Variants in ASTN1 observed in about 807,000 individuals in gnomAD.
The protein encoded by ASTN1 is astrotactin-1.
ASTN1 carries 41 observed loss-of-function variants against 140.7 expected under a neutral mutation model. That is an observed-to-expected ratio of 0.29 (90% CI 0.23 to 0.38). The LOEUF is 0.38. ASTN1 is among the 10% of genes least tolerant of loss of function. The pLI is 1.00. For synonymous variants in ASTN1, 640 were observed against 652.2 expected (o/e 0.98, Z 0.29); for missense variants, 1,479 against 1,678.8 (o/e 0.88, Z 2.08).
chr1:177,007,164 C>T (rs529226299), intron 8 of ASTN1, among the ~76,000 whole-genome samples: 2 of 152,140 alleles, frequency 1.3e-5, no homozygotes, highest in South Asian at 4.2e-4. Context: ...GAGGCTGAGG[C>T]GGGTGGATCA....
intron 11 of ASTN1, among the ~76,000 whole-genome samples, chr1:176,956,467 G>A (rs948865055): frequency 1.3e-5 from 2 of 152,104 alleles, no homozygotes; most frequent in South Asian, 4.1e-4. Context: ...TGGCATCAGC[G>A]CAGCATCCTC....
At chr1:177,018,503 T>G (rs1319014883) in intron 7 of ASTN1, among the ~76,000 whole-genome samples, 1 of 152,210 alleles carries the variant, frequency 6.6e-6, no homozygotes, top group Non-Finnish European at 1.5e-5. Flanking sequence ...TGGTTGGGTC[T>G]GGCCTATGGA....
At chr1:176,900,439 C>T (rs1390971896) in intron 16 of ASTN1, among the ~76,000 whole-genome samples, 3 of 152,174 alleles carry the variant, frequency 2.0e-5, no homozygotes, top group African/African-American at 4.8e-5. Flanking sequence ...TTACAGCTTC[C>T]TTGCTGGTGT....
chr1:177,073,095 A>ATT (rs1678723009), intron 1 of ASTN1, among the ~76,000 whole-genome samples: 4 of 152,186 alleles, frequency 2.6e-5, no homozygotes, highest in Non-Finnish European at 4.4e-5. Flanking sequence ...ATCAGGACAC[A>ATT]AAGACAGAAA....
intron 7 of ASTN1, among the ~76,000 whole-genome samples, chr1:177,022,575 C>G (rs1172983370): frequency 1.3e-5 from 2 of 152,146 alleles, no homozygotes; most frequent in African/African-American, 4.8e-5. Context: ...TTGAACCCTC[C>G]CTCAGGGAAA....
chr1:177,060,482 T>G (rs1408407512), intron 2 of ASTN1, among the ~76,000 whole-genome samples: 18 of 152,124 alleles, frequency 1.2e-4, no homozygotes, highest in Admixed American at 1.1e-3. Flanking sequence ...ATTGGATAAT[T>G]CCCATCTATG....
At chr1:177,022,880 G>A (rs1418416301) in intron 7 of ASTN1, among the ~76,000 whole-genome samples, 2 of 152,246 alleles carry the variant, frequency 1.3e-5, no homozygotes, top group African/African-American at 2.4e-5. Flanking sequence ...ATGATGGAAT[G>A]TTAAGTGAAA....
At chr1:176,987,245 C>T (rs886573902) in intron 8 of ASTN1, among the ~76,000 whole-genome samples, 1 of 152,140 alleles carries the variant, frequency 6.6e-6, no homozygotes. Context: ...GCATTGCAAG[C>T]CAAACAGTCT....
intron 8 of ASTN1, among the ~76,000 whole-genome samples, chr1:177,011,578 CACAA>C (rs1675291020): frequency 6.6e-6 from 1 of 151,674 alleles, no homozygotes; most frequent in African/African-American, 2.4e-5. Flanking sequence ...CACACACACA[CACAA>C]ACACACACAT....
At position 177,029,734 on chromosome 1, in the gene ASTN1, G is replaced by A. The variant is rs138051324; in HGVS notation, c.1020C>T (p.Ser340=). ...KRINNKARAG[S]AFLNPEGDSG... ...AATCCCCTTCAGGGTTCAAGAAGGCGGAACCAGCTGTAATGAAAGCAGCAT... is the reference window on the plus strand; with the variant it reads ...AATCCCCTTCAGGGTTCAAGAAGGCAGAACCAGCTGTAATGAAAGCAGCAT... The change falls in exon 5 of 23, where the codon TCC becomes TCT. Residue 340 remains serine, a synonymous_variant. Transcript: ENST00000361833. 83 of 1,610,682 alleles carry A rather than the reference G, an allele frequency of 5.2e-5. No individual in the cohort carries two copies. Among genetic ancestry groups the A allele is most frequent in the East Asian group, 1.6e-4 (7 of 44,852 alleles).
rs1232683413 is a variant in ASTN1, at chr1:176,888,151, G to T, written c.2994C>A (p.Val998=). ...SSLWCSGTGD[V]IEDWCRCDST... is the part of the protein sequence containing the mutation. The stretch of plus-strand genomic sequence containing the variant: ...AGTCACATCGACACCAGTCCTCGAT[G>T]ACATCTCCAGTCCCTGAGCACCAGA... Residue 998 remains valine, a synonymous_variant, in exon 18 of 23, where the codon GTC becomes GTA. Transcript: ENST00000361833. The T allele has an allele frequency of 6.2e-6, 10 of 1,614,158 alleles. No individual in the cohort carries two copies. Among genetic ancestry groups the T allele is most frequent in the African/African-American group, 1.3e-5 (1 of 75,058 alleles).
chr1:176,858,997 G>C (rs980314657), downstream of ASTN1, among the ~76,000 whole-genome samples: 1 of 152,200 alleles, frequency 6.6e-6, no homozygotes, highest in African/African-American at 2.4e-5. Context: ...ATTTACTTCA[G>C]ACTTGCAATG....
At chr1:177,069,387 G>A (rs984612448) in intron 1 of ASTN1, among the ~76,000 whole-genome samples, 23 of 152,074 alleles carry the variant, frequency 1.5e-4, no homozygotes, top group Non-Finnish European at 2.5e-4. Flanking sequence ...CTCCTTTGCC[G>A]AAAGGCTAGG....
intron 1 of ASTN1, among the ~76,000 whole-genome samples, chr1:177,112,902 C>G (rs1406758961): frequency 6.6e-6 from 1 of 152,220 alleles, no homozygotes; most frequent in Non-Finnish European, 1.5e-5. Flanking sequence ...GCAATGACCT[C>G]TCTCTCCTGT....
intron 2 of ASTN1, among the ~76,000 whole-genome samples, chr1:177,045,559 G>A (rs918569367): frequency 6.6e-6 from 1 of 152,120 alleles, no homozygotes; most frequent in South Asian, 2.1e-4. Flanking sequence ...CAGTCAGGTG[G>A]TGGTTTCATT....
At chr1:177,135,418 G>T (rs1682144926) in intron 1 of ASTN1, among the ~76,000 whole-genome samples, 1 of 151,692 alleles carries the variant, frequency 6.6e-6, no homozygotes. Context: ...CTCCCTGGAG[G>T]CAGCAGGAAA....
intron 1 of ASTN1, among the ~76,000 whole-genome samples, chr1:177,138,755 G>GTGC (rs1174229734): frequency 1.3e-5 from 2 of 152,090 alleles, no homozygotes; most frequent in African/African-American, 4.8e-5. Flanking sequence ...GAGTGCTTGG[G>GTGC]TGCTACCTGA....
chr1:176,981,443 G>A (rs1673617133), intron 8 of ASTN1: 1 of 152,098 alleles, frequency 6.6e-6, no homozygotes, highest in South Asian at 2.1e-4. Flanking sequence ...CTTTGCAGGT[G>A]TAATTAGTTA....
chr1:176,986,064 TC>T (rs1673891714), intron 8 of ASTN1, among the ~76,000 whole-genome samples: 1 of 152,144 alleles, frequency 6.6e-6, no homozygotes, highest in Admixed American at 6.5e-5. Context: ...AAGCTGCTTC[TC>T]CAGCCTGCTC....
Sources: allele counts gnomAD v4.1 joint callset (sites outside exome capture counted in the v4.1 genomes callset), GRCh38; gene constraint gnomAD v4.1.1; transcripts MANE v1.5; gene names NCBI Gene and HGNC (gene_info 2026-07-23, HGNC 2026-07-21).